The following CACNA1C variants were observed in gnomAD, a reference collection of about 807,000 sequenced individuals.
CACNA1C encodes the protein calcium voltage-gated channel subunit alpha1 C, also known as voltage-dependent L-type calcium channel subunit alpha-1C.
In CACNA1C, 30 loss-of-function variants were observed where a neutral mutation model predicts 229.0. The ratio of observed to expected loss-of-function variants is 0.13; its 90% CI spans 0.10 to 0.18. The LOEUF (loss-of-function observed/expected upper bound fraction) is 0.18. Among genes scored for constraint, CACNA1C ranks in the 10% least tolerant of loss-of-function variants. The pLI is 1.00. For missense variants in CACNA1C, 1,658 were observed against 2,845.0 expected, an observed-to-expected ratio of 0.58 and a Z score of 9.49; for synonymous variants, 1,114 against 1,132.5, an observed-to-expected ratio of 0.98 and a Z score of 0.33.
intron 1 of CACNA1C, among the ~76,000 whole-genome samples, chr12:2,104,245 T>G (rs1426635150): frequency 6.6e-6 from 1 of 152,238 alleles, no homozygotes; most frequent in Non-Finnish European, 1.5e-5. Flanking sequence ...CCTCTCTTAT[T>G]TCCTTGAACA....
At position 2,054,533 on chromosome 12, in the gene CACNA1C, C is replaced by T. The variant is rs918826540; in HGVS notation, c.49+922C>T. Among the ~76,000 whole-genome samples the T allele has an allele frequency of 2.0e-5, 3 of 152,186 alleles. No homozygotes were observed. The highest frequency in any genetic ancestry group is 7.2e-5 in the African/African-American group (3 of 41,448). ...TCCCCCTGTGATGGTGAAAGGCAGT[C>T]AGGTAACTCCCTACTTCCTGGAAAC... On this transcript the variant is annotated intron_variant, in intron 1 of 46. Transcript: ENST00000399655. The surrounding 1 kb of genome is among the most constrained non-coding windows in gnomAD (Gnocchi z 5.5).
At chr12:2,307,201 A>T (rs1246383700) in intron 3 of CACNA1C, among the ~76,000 whole-genome samples, 2 of 152,102 alleles carry the variant, frequency 1.3e-5, no homozygotes, top group Non-Finnish European at 2.9e-5. Context: ...GAGGACTCAG[A>T]GTTGTGTTCT....
intron 4 of CACNA1C, among the ~76,000 whole-genome samples, chr12:2,453,871 A>C (rs1285278487): frequency 2.6e-5 from 4 of 152,092 alleles, no homozygotes; most frequent in Non-Finnish European, 5.9e-5. Context: ...ATTCCAACAA[A>C]ACTTTGCAAA....
intron 3 of CACNA1C, among the ~76,000 whole-genome samples, chr12:2,312,038 A>G (rs1340796649): frequency 6.6e-6 from 1 of 152,174 alleles, no homozygotes; most frequent in African/African-American, 2.4e-5. Flanking sequence ...CCCACGTAAT[A>G]CAAGAGGGTG....
At chr12:2,327,261 T>C (rs1006014723) in intron 3 of CACNA1C, among the ~76,000 whole-genome samples, 4 of 152,270 alleles carry the variant, frequency 2.6e-5, no homozygotes, top group African/African-American at 9.6e-5. Context: ...TTCTCAATTT[T>C]CCGCTAGCTT....
upstream of CACNA1C, chr12:2,048,424 T>C (rs911331858): frequency 2.0e-5 from 3 of 152,232 alleles, no homozygotes; most frequent in African/African-American, 7.2e-5. Flanking sequence ...CACCCTTATA[T>C]ACAGGCAATT....
At chr12:2,536,242 C>T (rs2239114) in intron 9 of CACNA1C, among the ~76,000 whole-genome samples, 51,817 of 151,778 alleles carry the variant, frequency 0.34, 9,953 homozygotes, top group African/African-American at 0.52. Context: ...GAGAACAAAT[C>T]GTGAGCTCTG....
intron 3 of CACNA1C, among the ~76,000 whole-genome samples, chr12:2,233,040 C>T (rs757428090): frequency 2.9e-4 from 44 of 152,130 alleles, no homozygotes. Flanking sequence ...AGTACTGATT[C>T]GTTTTATTGG....
chr12:2,654,019 C>G lies in CACNA1C; in HGVS notation c.4140+119C>G. ...CTCCCTTTCATTCCTGACTGTCCCT[C>G]TCCCTCCTCTTCCATTTTCTGAGGC... On this transcript the variant is annotated intron_variant, in intron 33 of 46. Coordinates refer to ENST00000399655, the MANE Select transcript of CACNA1C (RefSeq NM_000719.7). The surrounding 1 kb of genome is among the most constrained non-coding windows in gnomAD (Gnocchi z 4.4). 1.3e-6 allele frequency: 1 copy of G among 790,638 alleles called. No homozygotes were observed. The highest frequency in any genetic ancestry group is 2.1e-6 in the Non-Finnish European group (1 of 483,272). The allele number at this position is 790,638 out of a possible 1,614,324, so 49.0% of individuals were successfully genotyped here.
chr12:2,103,946 T>C (rs761696008), intron 1 of CACNA1C, among the ~76,000 whole-genome samples: 1 of 152,226 alleles, frequency 6.6e-6, no homozygotes, highest in African/African-American at 2.4e-5. Context: ...TATATCTGTT[T>C]TGGTACCAGT....
chr12:2,247,395 T>C (rs1465430146), intron 3 of CACNA1C, among the ~76,000 whole-genome samples: 1 of 152,224 alleles, frequency 6.6e-6, no homozygotes, highest in East Asian at 1.9e-4. Context: ...GGGTTTTAAT[T>C]AGCTAAATTT....
chr12:2,129,775 T>G (rs2091647050), intron 3 of CACNA1C, among the ~76,000 whole-genome samples: 1 of 152,150 alleles, frequency 6.6e-6, no homozygotes, highest in South Asian at 2.1e-4. Context: ...TGGGGAAGAT[T>G]TGGGATGTGC....
chr12:2,520,067 G>A (rs941384872), intron 9 of CACNA1C, among the ~76,000 whole-genome samples: 7 of 152,258 alleles, frequency 4.6e-5, no homozygotes, highest in Non-Finnish European at 1.0e-4. Flanking sequence ...AGGTTAAGCT[G>A]TTGGGAAGCC....
chr12:2,404,621 A>G (rs2098715399), intron 3 of CACNA1C, among the ~76,000 whole-genome samples: 1 of 152,174 alleles, frequency 6.6e-6, no homozygotes, highest in African/African-American at 2.4e-5. Flanking sequence ...GCCCAGGCAG[A>G]AAGCGGCCAG....
intron 9 of CACNA1C, among the ~76,000 whole-genome samples, chr12:2,519,274 G>A (rs1159151794): frequency 6.6e-6 from 1 of 152,222 alleles, no homozygotes; most frequent in East Asian, 1.9e-4. Context: ...GGAATGTCAT[G>A]GCACATATGA....
chr12:2,174,553 A>AT (rs951514141), intron 3 of CACNA1C, among the ~76,000 whole-genome samples: 121 of 151,832 alleles, frequency 8.0e-4, no homozygotes, highest in African/African-American at 2.3e-3. Flanking sequence ...TTCCCTCAAG[A>AT]TTTTTTTTTC....
intron 1 of CACNA1C, among the ~76,000 whole-genome samples, chr12:2,098,007 C>T (rs935664638): frequency 6.6e-6 from 1 of 152,208 alleles, no homozygotes; most frequent in African/African-American, 2.4e-5. Flanking sequence ...GGAGCCTCCT[C>T]ATTCTATGGA....
intron 13 of CACNA1C, among the ~76,000 whole-genome samples, chr12:2,569,009 G>A (rs968648667): frequency 6.6e-6 from 1 of 152,228 alleles, no homozygotes; most frequent in Non-Finnish European, 1.5e-5. Context: ...GAGAAATGCA[G>A]TATTCTAGCA....
chr12:2,323,826 G>GATCTC (rs58214523), intron 3 of CACNA1C, among the ~76,000 whole-genome samples: 5,907 of 152,228 alleles, frequency 0.039, 265 homozygotes, highest in African/African-American at 0.11. Context: ...GGAGCTTTTG[G>GATCTC]TGGGGGAGGG....
Sources: allele counts gnomAD v4.1 joint callset (sites outside exome capture counted in the v4.1 genomes callset), GRCh38; gene constraint gnomAD v4.1.1; non-coding constraint Gnocchi (gnomAD v3.1); transcripts MANE v1.5; gene names NCBI Gene and HGNC (gene_info 2026-07-23, HGNC 2026-07-21).